Variants in ZHX2 observed in about 807,000 individuals in gnomAD.
ZHX2 encodes the protein zinc fingers and homeoboxes protein 2.
Under a neutral mutation model 21.9 loss-of-function variants are expected in ZHX2, and 6 were observed. The ratio of observed to expected loss-of-function variants is 0.27; its 90% CI spans 0.15 to 0.54. ZHX2 has a LOEUF of 0.54. ZHX2 is among the 20% of genes least tolerant of loss of function. The probability of loss-of-function intolerance (pLI) is 0.95; values close to 1 mark genes in which losing one functional copy is unlikely to be tolerated. For missense variants in ZHX2, 908 were observed against 1,090.7 expected, an observed-to-expected ratio of 0.83 and a Z score of 2.36; for synonymous variants, 434 against 437.1, an observed-to-expected ratio of 0.99 and a Z score of 0.09.
intron 3 of ZHX2, among the ~76,000 whole-genome samples, chr8:122,960,194 G>C (rs1397223368): frequency 6.6e-6 from 1 of 152,120 alleles, no homozygotes; most frequent in Non-Finnish European, 1.5e-5. Flanking sequence ...TATAGAATAT[G>C]GGAATTTGAG....
chr8:122,950,301 T>G (rs1488755201), intron 2 of ZHX2, among the ~76,000 whole-genome samples: 4 of 152,204 alleles, frequency 2.6e-5, no homozygotes, highest in Non-Finnish European at 5.9e-5. Flanking sequence ...GAAGCCATCA[T>G]TCTCAGCAAA....
intron 1 of ZHX2, among the ~76,000 whole-genome samples, chr8:122,798,739 C>T (rs777559383): frequency 6.6e-6 from 1 of 151,102 alleles, no homozygotes; most frequent in African/African-American, 2.4e-5. Context: ...GTGGAGGTTG[C>T]AGTGAGCTGA....
At chr8:122,887,427 A>G (rs533781526) in intron 2 of ZHX2, among the ~76,000 whole-genome samples, 71 of 152,124 alleles carry the variant, frequency 4.7e-4, no homozygotes, top group African/African-American at 1.5e-3. Context: ...CTGAGGCAAG[A>G]GAATAGCTTG....
chr8:122,879,595 C>G (rs1206462854), intron 2 of ZHX2, among the ~76,000 whole-genome samples: 1 of 151,756 alleles, frequency 6.6e-6, no homozygotes, highest in Non-Finnish European at 1.5e-5. Flanking sequence ...ACAACAAGGA[C>G]TAGCATTATT....
At chr8:122,784,571 G>T (rs943988082) in intron 1 of ZHX2, among the ~76,000 whole-genome samples, 11 of 152,214 alleles carry the variant, frequency 7.2e-5, no homozygotes, top group African/African-American at 2.7e-4. Context: ...CCGAACTTCA[G>T]AATTTACCTG....
chr8:122,972,202 G>T (rs1315791081), intron 3 of ZHX2, among the ~76,000 whole-genome samples: 1 of 152,082 alleles, frequency 6.6e-6, no homozygotes, highest in Non-Finnish European at 1.5e-5. Flanking sequence ...CACCCTGATG[G>T]CCTCATTCTC....
At position 122,951,460 on chromosome 8, in the gene ZHX2, C is replaced by T. The variant is rs1349465708; in HGVS notation, c.-51C>T. 3.4e-6 allele frequency: 5 copies of T among 1,483,278 alleles called. No homozygotes were observed. The highest frequency in any genetic ancestry group is 2.5e-5 in the South Asian group (2 of 81,060). The allele number at this position is 1,483,278 out of a possible 1,614,324, so 91.9% of individuals were successfully genotyped here. ...CTTATTCGTTCCAAGAATCTCACCG[C>T]CCCCTCCTTATCCCCCTCCAAAAAT... On this transcript the variant is annotated 5_prime_UTR_variant, in exon 3 of 4. Coordinates refer to ENST00000314393, the MANE Select transcript of ZHX2 (RefSeq NM_014943.5).
At chr8:122,829,445 C>G (rs1818326136) in intron 1 of ZHX2, among the ~76,000 whole-genome samples, 1 of 152,192 alleles carries the variant, frequency 6.6e-6, no homozygotes, top group African/African-American at 2.4e-5. Context: ...TTTTTCTTTA[C>G]TTTTCAAAGT....
At chr8:122,822,801 G>A (rs867352559) in intron 1 of ZHX2, among the ~76,000 whole-genome samples, 1 of 152,242 alleles carries the variant, frequency 6.6e-6, no homozygotes, top group East Asian at 1.9e-4. Context: ...GTGGTCCTCC[G>A]GTGGGCGCGG....
At chr8:122,899,086 T>G (rs1013001969) in intron 2 of ZHX2, among the ~76,000 whole-genome samples, 2 of 152,214 alleles carry the variant, frequency 1.3e-5, no homozygotes, top group Non-Finnish European at 2.9e-5. Flanking sequence ...AAATGTGTAT[T>G]AAATCCCTCC....
chr8:122,957,672 T>C (rs1369362552), intron 3 of ZHX2, among the ~76,000 whole-genome samples: 1 of 152,122 alleles, frequency 6.6e-6, no homozygotes, highest in East Asian at 1.9e-4. Context: ...GGTTTCACCA[T>C]GTTGGCCATG....
chr8:122,885,068 G>GT (rs1271102917), intron 2 of ZHX2, among the ~76,000 whole-genome samples: 1 of 152,198 alleles, frequency 6.6e-6, no homozygotes, highest in Non-Finnish European at 1.5e-5. Flanking sequence ...TTGGACCAGG[G>GT]TTAGACAAGC....
intron 1 of ZHX2, among the ~76,000 whole-genome samples, chr8:122,797,651 C>T (rs969142360): frequency 6.6e-6 from 1 of 152,176 alleles, no homozygotes; most frequent in Admixed American, 6.5e-5. Flanking sequence ...CTAAGGACCA[C>T]GCTCAATTGT....
At chr8:122,938,371 T>C (rs957234685) in intron 2 of ZHX2, among the ~76,000 whole-genome samples, 1 of 152,062 alleles carries the variant, frequency 6.6e-6, no homozygotes, top group African/African-American at 2.4e-5. Context: ...GGAAGGAAAG[T>C]CTGGGGCTCT....
At chr8:122,844,326 C>T (rs929731678) in intron 1 of ZHX2, among the ~76,000 whole-genome samples, 16 of 152,248 alleles carry the variant, frequency 1.1e-4, no homozygotes, top group African/African-American at 3.9e-4. Context: ...AATCAGCTGA[C>T]ATTGCAATTG....
chr8:122,968,412 C>T (rs536111462), intron 3 of ZHX2, among the ~76,000 whole-genome samples: 18 of 152,294 alleles, frequency 1.2e-4, no homozygotes, highest in African/African-American at 2.6e-4. Context: ...TGGGATGGCA[C>T]GGAGTTTTTG....
chr8:122,913,800 C>A (rs1015563092), intron 2 of ZHX2, among the ~76,000 whole-genome samples: 5 of 152,220 alleles, frequency 3.3e-5, no homozygotes, highest in African/African-American at 1.2e-4. Flanking sequence ...CAGTGACCCC[C>A]TTACTTGGTC....
At chr8:122,833,802 CTG>C (rs1414423691) in intron 1 of ZHX2, among the ~76,000 whole-genome samples, 1 of 152,126 alleles carries the variant, frequency 6.6e-6, no homozygotes, top group Non-Finnish European at 1.5e-5. Flanking sequence ...CGAGACCATC[CTG>C]GCTAACACGG....
Position 122,957,296 on chromosome 8 carries a change from CA to C in ZHX2, c.*4+3286del, listed in dbSNP as rs34314877. Among the ~76,000 whole-genome samples the C allele has an allele frequency of 5.1e-3, 566 of 110,356 alleles. 2 individuals carry two copies. Among genetic ancestry groups the C allele is most frequent in the East Asian group, 0.012 (49 of 4,094 alleles). The allele number at this position is 110,356 out of a possible 152,430, so 72.4% of individuals were successfully genotyped here. The stretch of plus-strand genomic sequence containing the variant: ...TCAGGACAGGGACTAGCTGTGTTCA[CA>C]AAAAAAAAAAAAAAAAACATGCAGG... On this transcript the variant is annotated intron_variant, in intron 3 of 3. Transcript: ENST00000314393.
Sources: gnomAD v4.1 joint callset for allele counts (sites outside exome capture counted in the v4.1 genomes callset) on GRCh38, gnomAD v4.1.1 for gene constraint, MANE v1.5 for transcripts, NCBI Gene and HGNC (gene_info 2026-07-23, HGNC 2026-07-21) for gene names.